Variants in LIN7A observed in about 807,000 individuals in gnomAD.
The protein encoded by LIN7A is protein lin-7 homolog A.
LIN7A carries 25 observed loss-of-function variants against 29.8 expected under a neutral mutation model. The observed-to-expected ratio is 0.84, with a 90% CI of 0.61 to 1.17. LIN7A has a LOEUF of 1.17. Ranked by LOEUF, LIN7A falls within the 50% of genes most tolerant of loss-of-function variation. LIN7A has a pLI of 0.00. For synonymous variants in LIN7A, 118 were observed against 107.5 expected (o/e 1.10, Z -0.60); for missense variants, 239 against 287.0 (o/e 0.83, Z 1.21).
At chr12:80,925,572 C>T (rs1392626717) in intron 1 of LIN7A, among the ~76,000 whole-genome samples, 3 of 152,160 alleles carry the variant, frequency 2.0e-5, no homozygotes, top group African/African-American at 7.2e-5. Context: ...AAACCAACAA[C>T]TTTATCGGGT....
intron 1 of LIN7A, among the ~76,000 whole-genome samples, chr12:80,924,451 T>A (rs1877472463): frequency 6.6e-6 from 1 of 152,232 alleles, no homozygotes; most frequent in African/African-American, 2.4e-5. Context: ...ATGGACCTGG[T>A]CGTGTTCTAA....
intron 1 of LIN7A, among the ~76,000 whole-genome samples, chr12:80,925,238 T>C (rs1877518628): frequency 6.6e-6 from 1 of 152,230 alleles, no homozygotes; most frequent in Non-Finnish European, 1.5e-5. Flanking sequence ...TCTAATAGAA[T>C]TATTTAAAAT....
At chr12:80,879,852 T>A (rs1316794506) in intron 2 of LIN7A, among the ~76,000 whole-genome samples, 2 of 152,164 alleles carry the variant, frequency 1.3e-5, no homozygotes, top group Non-Finnish European at 2.9e-5. Context: ...CAGACGTTTA[T>A]CAAGACACCT....
intron 5 of LIN7A, among the ~76,000 whole-genome samples, chr12:80,810,573 T>C (rs1247408967): frequency 6.6e-6 from 1 of 152,212 alleles, no homozygotes; most frequent in Admixed American, 6.5e-5. Context: ...AACATCTCTT[T>C]GACATATTGA....
intron 1 of LIN7A, among the ~76,000 whole-genome samples, chr12:80,930,649 C>T (rs1242433258): frequency 3.9e-5 from 6 of 152,174 alleles, no homozygotes; most frequent in Non-Finnish European, 8.8e-5. Context: ...TAAGTTAAAA[C>T]AGCAGGGTAA....
At chr12:80,811,408 T>C in intron 5 of LIN7A, 57 bp downstream of exon 5, 1 of 693,028 alleles carries the variant, frequency 1.4e-6, no homozygotes, top group East Asian at 2.8e-5. Context: ...TATATACATA[T>C]ATGTGTGTGT....
intron 1 of LIN7A, chr12:80,936,375 T>C (rs1012399647): frequency 1.3e-5 from 2 of 152,390 alleles, no homozygotes; most frequent in African/African-American, 4.8e-5. Context: ...ACCCACAGTC[T>C]CTCCAAATTA....
chr12:80,821,820 C>A (rs1274525546), intron 4 of LIN7A, among the ~76,000 whole-genome samples: 1 of 152,208 alleles, frequency 6.6e-6, no homozygotes, highest in African/African-American at 2.4e-5. Flanking sequence ...CCCATGAAAC[C>A]CCTCTCCCCT....
intron 4 of LIN7A, chr12:80,842,043 C>T (rs1872846223): frequency 1.6e-6 from 2 of 1,283,620 alleles, no homozygotes; most frequent in Non-Finnish European, 2.0e-6. Flanking sequence ...GGAAATTTCT[C>T]TTGGTGCCTA....
In LIN7A at chr12:80,830,110, T is replaced by G. The variant is rs138789595; in HGVS notation, c.483+15620A>C. ...AAACAGGAGAACATGCAATTTTTTC[T>G]TGTCTCTGGGCCCTTCCTTGTGATG... On this transcript the variant is annotated intron_variant, in intron 4 of 5. Transcript: ENST00000552864. 1.8e-3 allele frequency among the ~76,000 whole-genome samples: 276 copies of G among 152,294 alleles called. 2 individuals carry two copies. Among genetic ancestry groups the G allele is most frequent in the African/African-American group, 6.3e-3 (261 of 41,566 alleles).
chr12:80,885,200 G>A (rs964606755), intron 2 of LIN7A, among the ~76,000 whole-genome samples: 3 of 151,852 alleles, frequency 2.0e-5, no homozygotes, highest in African/African-American at 4.8e-5. Context: ...AGTTGTCTTC[G>A]GGAATTCTCT....
At chr12:80,822,730 A>C (rs1287032122) in intron 4 of LIN7A, among the ~76,000 whole-genome samples, 2 of 152,166 alleles carry the variant, frequency 1.3e-5, no homozygotes, top group African/African-American at 2.4e-5. Flanking sequence ...AGGGGGCCTA[A>C]GGGTGGCTCG....
intron 4 of LIN7A, chr12:80,832,683 T>C (rs932210260): frequency 6.9e-6 from 3 of 437,898 alleles, no homozygotes; most frequent in African/African-American, 2.1e-5. Context: ...ACTCTACTCT[T>C]TAGCTACAAA....
intron 2 of LIN7A, among the ~76,000 whole-genome samples, chr12:80,851,133 G>A (rs931109547): frequency 3.9e-5 from 6 of 152,068 alleles, no homozygotes; most frequent in African/African-American, 1.4e-4. Context: ...GTATCAGTGT[G>A]AACAAAAACT....
chr12:80,883,234 T>C (rs980277309), intron 2 of LIN7A, among the ~76,000 whole-genome samples: 1 of 152,154 alleles, frequency 6.6e-6, no homozygotes, highest in African/African-American at 2.4e-5. Context: ...ATGAGCCAAG[T>C]ATGTATTTTC....
rs1565878072 is a variant in LIN7A at position 80,792,564 on chromosome 12, TGGTCA to T, written c.*5158_*5162del. The T allele has an allele frequency of 6.6e-6, 1 of 152,202 alleles. No homozygotes were observed. Among genetic ancestry groups the T allele is most frequent in the Non-Finnish European group, 1.5e-5 (1 of 68,020 alleles). 9.4% of individuals were successfully genotyped at this position (152,202 alleles called of 1,614,324 possible). On this transcript the variant is annotated 3_prime_UTR_variant, in exon 6 of 6. Coordinates refer to ENST00000552864, the MANE Select transcript of LIN7A (RefSeq NM_004664.4). Reference sequence around the variant, plus strand: ...ACTTCCCAGCAGCATAATACCACTTTGGTCAGGTTGAACCACTGCACAATTTTGCA... The same window carrying T: ...ACTTCCCAGCAGCATAATACCACTTTGGTTGAACCACTGCACAATTTTGCA...
chr12:80,915,919 T>C (rs1315112400), intron 1 of LIN7A, among the ~76,000 whole-genome samples: 1 of 152,174 alleles, frequency 6.6e-6, no homozygotes, highest in African/African-American at 2.4e-5. Flanking sequence ...AGACTGCCTA[T>C]TGGGTACTAT....
At chr12:80,874,442 A>G (rs956556584) in intron 2 of LIN7A, among the ~76,000 whole-genome samples, 1 of 152,236 alleles carries the variant, frequency 6.6e-6, no homozygotes, top group Non-Finnish European at 1.5e-5. Flanking sequence ...AATAATGCCA[A>G]TTATACAATG....
chr12:80,834,963 C>A (rs947266533), intron 4 of LIN7A, among the ~76,000 whole-genome samples: 4 of 152,132 alleles, frequency 2.6e-5, no homozygotes, highest in African/African-American at 9.7e-5. Flanking sequence ...ATGTTCCTCC[C>A]AAGTTAGGAT....
Sources: allele counts gnomAD v4.1 joint callset (sites outside exome capture counted in the v4.1 genomes callset), GRCh38; gene constraint gnomAD v4.1.1; transcripts MANE v1.5; gene names NCBI Gene and HGNC (gene_info 2026-07-23, HGNC 2026-07-21).